MYO9A: variants seen among roughly 807,000 people sequenced by gnomAD.
MYO9A encodes myosin IXA.
A neutral mutation model predicts 293.3 loss-of-function variants in MYO9A; 103 were observed. That is an observed-to-expected ratio of 0.35 (90% CI 0.30 to 0.41). MYO9A has a LOEUF of 0.41. MYO9A is among the 10% of genes least tolerant of loss of function. The pLI, the probability that MYO9A is intolerant of heterozygous loss-of-function variation, is 1.00. For missense variants in MYO9A, 2,685 were observed against 3,033.0 expected, an observed-to-expected ratio of 0.89 and a Z score of 2.69; for synonymous variants, 1,001 against 1,035.7, an observed-to-expected ratio of 0.97 and a Z score of 0.64.
intron 13 of MYO9A, among the ~76,000 whole-genome samples, chr15:71,964,793 A>G (rs899520870): frequency 2.0e-5 from 3 of 151,822 alleles, no homozygotes; most frequent in Non-Finnish European, 4.4e-5. Flanking sequence ...CTCAAAAAAC[A>G]AAAACAAAAA....
At chr15:71,888,739 A>T (rs1319600685) in intron 26 of MYO9A, 1 of 152,164 alleles carries the variant, frequency 6.6e-6, no homozygotes, top group Non-Finnish European at 1.5e-5. Context: ...TTCTGAGGAG[A>T]GAATTTCTTG....
Position 71,880,446 on chromosome 15 carries a change from A to T in MYO9A, c.5511T>A (p.Ser1837Arg), listed in dbSNP as rs2056838893. Residue 1837 changes from serine to arginine, a missense_variant, in exon 29 of 42, where the codon AGT becomes AGA. Physicochemically the swap from Ser to Arg is moderately radical, Grantham distance 110. Around this residue, in one of 10 missense-constraint regions of MYO9A, gnomAD observed 1,434 missense variants for 1,497.7 expected, o/e 0.96. Coordinates refer to ENST00000356056, the MANE Select transcript of MYO9A (RefSeq NM_006901.4). ...CCAAAGCCACGTTGCTAATCTTCAC[A>T]CTTCGCTTGCGCTTAGCCTTTGGAG... The part of the protein sequence containing the change: ...EPSPKAKRKR[S>R]VKISNVALDS... 1.9e-6 allele frequency: 3 copies of T among 1,614,078 alleles called. No homozygotes were observed. The highest frequency in any genetic ancestry group is 2.5e-6 in the Non-Finnish European group (3 of 1,180,028).
At chr15:72,029,247 G>A (rs1444229227) in intron 3 of MYO9A, among the ~76,000 whole-genome samples, 2 of 152,268 alleles carry the variant, frequency 1.3e-5, no homozygotes, top group African/African-American at 4.8e-5. Context: ...CCAACTTCAG[G>A]GAAAACAATT....
In MYO9A at chr15:71,943,028, CTTTAA is replaced by C. The variant is rs1209455908; in HGVS notation, c.2303-4106_2303-4102del. Among the ~76,000 whole-genome samples, 8 of 152,112 alleles carry C rather than the reference CTTTAA, an allele frequency of 5.3e-5. No individual in the cohort carries two copies. The East Asian group carries it at 1.3e-3, about 26-fold the overall frequency. ...ACTGTCCATCCTTTTATTTTCACCT[CTTTAA>C]TTAAAAATCATGTAGCTATCACTTA... On this transcript the variant is annotated intron_variant, in intron 15 of 41. Transcript: ENST00000356056.
chr15:72,094,139 G>A lies in MYO9A; in HGVS notation c.-72+23541C>T, dbSNP rs1596557064. Among the ~76,000 whole-genome samples, 5 of 89,962 alleles carry A rather than the reference G, an allele frequency of 5.6e-5. 2 individuals are homozygous for A. Among genetic ancestry groups the A allele is most frequent in the East Asian group, 4.8e-4 (2 of 4,210 alleles). The allele number at this position is 89,962 out of a possible 152,430, so 59.0% of individuals were successfully genotyped here. ...GTGGGAGGATCACTTCAGCCCAGGA[G>A]TTCAAGGCTGCAGTGAGCTATGATC... On this transcript the variant is annotated intron_variant, in intron 1 of 41. Transcript: ENST00000356056.
At chr15:72,018,497 G>A (rs1033530067) in intron 6 of MYO9A, among the ~76,000 whole-genome samples, 2 of 151,856 alleles carry the variant, frequency 1.3e-5, no homozygotes, top group South Asian at 4.2e-4. Context: ...TTATTTATAG[G>A]AATTTCAATA....
intron 1 of MYO9A, among the ~76,000 whole-genome samples, chr15:72,067,948 T>C (rs184568687): frequency 6.6e-6 from 1 of 152,298 alleles, no homozygotes; most frequent in Admixed American, 6.5e-5. Flanking sequence ...TCAAGTTTAC[T>C]CATAAGAACA....
rs970586569 is a variant in MYO9A at position 72,071,650 on chromosome 15, G to A, written c.-71-25016C>T. On this transcript the variant is annotated intron_variant, in intron 1 of 41. Transcript: ENST00000356056. ...CCGGTTACAGAGGCAGGTTACAGAGGAGGCTGAGGCAGGAAAATTGCTTAA... is the reference window on the plus strand; with the variant it reads ...CCGGTTACAGAGGCAGGTTACAGAGAAGGCTGAGGCAGGAAAATTGCTTAA... Among the ~76,000 whole-genome samples the A allele has an allele frequency of 5.3e-5, 8 of 152,064 alleles. No individual in the cohort carries two copies. The East Asian group carries it at 9.6e-4, about 18-fold the overall frequency.
At chr15:71,913,009 AG>A (rs1450361528) in intron 19 of MYO9A, among the ~76,000 whole-genome samples, 1 of 149,674 alleles carries the variant, frequency 6.7e-6, no homozygotes, top group African/African-American at 2.5e-5. Flanking sequence ...TGATCTCCGT[AG>A]TTTTTTTTTT....
chr15:71,932,972 A>G (rs2058520987), intron 18 of MYO9A, among the ~76,000 whole-genome samples: 1 of 152,080 alleles, frequency 6.6e-6, no homozygotes, highest in South Asian at 2.1e-4. Context: ...AATAAAACAA[A>G]CAAAGCAAAA....
At chr15:72,101,264 G>A (rs1334503395) in intron 1 of MYO9A, among the ~76,000 whole-genome samples, 5 of 129,442 alleles carry the variant, frequency 3.9e-5, no homozygotes, top group South Asian at 2.5e-4. Flanking sequence ...CCCCCCGCCC[G>A]GCCAGCCGCC....
intron 2 of MYO9A, among the ~76,000 whole-genome samples, chr15:72,040,620 G>A (rs945008508): frequency 6.6e-6 from 1 of 152,146 alleles, no homozygotes; most frequent in Non-Finnish European, 1.5e-5. Context: ...TTTTGAGACG[G>A]AGTCTCGCTC....
At chr15:71,944,318 C>G (rs1371924993) in intron 15 of MYO9A, among the ~76,000 whole-genome samples, 3 of 152,014 alleles carry the variant, frequency 2.0e-5, no homozygotes, top group African/African-American at 7.2e-5. Context: ...TTCTTAATAG[C>G]AGTTAAGAAA....
chr15:72,012,247 C>T (rs1596376741), intron 6 of MYO9A, among the ~76,000 whole-genome samples: 3 of 152,192 alleles, frequency 2.0e-5, no homozygotes, highest in South Asian at 4.1e-4. Context: ...AAATTGCTTT[C>T]GATAAGCAAT....
At chr15:72,046,725 C>T (rs1017092928) in intron 1 of MYO9A, 91 bp from the exon 2 acceptor site, 6 of 818,806 alleles carry the variant, frequency 7.3e-6, no homozygotes, top group Non-Finnish European at 1.1e-5. Context: ...ATGTTGATTA[C>T]ATCTTCTAAA....
In MYO9A at chr15:71,968,099, AATG is replaced by A. The variant is rs1164878397; in HGVS notation, c.1868_1870del (p.Thr623_Leu624delinsMet). 1 of 1,603,988 alleles carries A rather than the reference AATG, an allele frequency of 6.2e-7. No individual in the cohort carries two copies. Among genetic ancestry groups the A allele is most frequent in the Non-Finnish European group, 8.5e-7 (1 of 1,175,512 alleles). On this transcript the variant is annotated inframe_deletion, in exon 13 of 42. Transcript: ENST00000356056. ...ATGTTGATGCTTAAACTTGTCTAGC[AATG>A]TTTGATTTGTAGCCTGTGGAAAGCT... is the stretch of plus-strand genomic sequence containing the variant.
chr15:72,028,265 A>C (rs1202549494), intron 3 of MYO9A, among the ~76,000 whole-genome samples: 1 of 148,116 alleles, frequency 6.8e-6, no homozygotes, highest in Non-Finnish European at 1.5e-5. Context: ...ATACTATTAT[A>C]ATTGTGGTAT....
At chr15:72,051,362 C>A (rs1411097712) in intron 1 of MYO9A, among the ~76,000 whole-genome samples, 1 of 152,150 alleles carries the variant, frequency 6.6e-6, no homozygotes, top group South Asian at 2.1e-4. Flanking sequence ...GTTGACAGGG[C>A]AGGAGTTTCG....
intron 39 of MYO9A, among the ~76,000 whole-genome samples, chr15:71,836,952 A>G (rs536187598): frequency 1.2e-4 from 19 of 152,254 alleles, no homozygotes; most frequent in Non-Finnish European, 1.6e-4. Context: ...ATGTTCATTT[A>G]TAATAATTCC....
Sources: allele counts gnomAD v4.1 joint callset (sites outside exome capture counted in the v4.1 genomes callset), GRCh38; gene constraint gnomAD v4.1.1; regional missense constraint gnomAD v4.1.1; transcripts MANE v1.5; gene names NCBI Gene and HGNC (gene_info 2026-07-23, HGNC 2026-07-21).